DPH5: variants seen among roughly 807,000 people sequenced by gnomAD.
DPH5 encodes diphthine methyl ester synthase.
Under a neutral mutation model 31.6 loss-of-function variants are expected in DPH5, and 31 were observed. The observed-to-expected ratio is 0.98, with a 90% CI of 0.74 to 1.32. The LOEUF (loss-of-function observed/expected upper bound fraction) is 1.32. Among genes scored for constraint, DPH5 ranks in the 40% most tolerant of loss-of-function variants. DPH5 has a pLI of 0.00. For synonymous variants in DPH5, 120 were observed against 115.0 expected, an observed-to-expected ratio of 1.04 and a Z score of -0.28; for missense variants, 309 against 335.7, an observed-to-expected ratio of 0.92 and a Z score of 0.62.
intron 4 of DPH5, among the ~76,000 whole-genome samples, chr1:101,011,932 C>G (rs550268696): frequency 8.4e-6 from 1 of 119,494 alleles, no homozygotes; most frequent in East Asian, 2.7e-4. Context: ...GGAGTTTTCA[C>G]TCTTGTCACC....
At chr1:100,995,028 G>T in intron 6 of DPH5, 82 bp downstream of exon 6, 2 of 973,694 alleles carry the variant, frequency 2.1e-6, no homozygotes, top group Non-Finnish European at 1.6e-6. Context: ...ACCATCTTTA[G>T]AACTCAGGTC....
chr1:101,015,001 A>G (rs1258736444), intron 3 of DPH5, among the ~76,000 whole-genome samples: 1 of 152,194 alleles, frequency 6.6e-6, no homozygotes, highest in Non-Finnish European at 1.5e-5. Context: ...CCATATCTAC[A>G]GTTACTTCCT....
At chr1:101,014,298 A>G (rs898804138) in intron 3 of DPH5, among the ~76,000 whole-genome samples, 1 of 152,258 alleles carries the variant, frequency 6.6e-6, no homozygotes. Flanking sequence ...CACGTATACC[A>G]TGAAGATATT....
rs1183465218 is a variant in DPH5 at position 101,025,344 on chromosome 1, A to G, written c.100T>C (p.Tyr34His). The G allele has an allele frequency of 6.2e-7, 1 of 1,614,106 alleles. No individual in the cohort carries two copies. The highest frequency in any genetic ancestry group is 1.3e-5 in the African/African-American group (1 of 74,946). The change falls in exon 2 of 8, where the codon TAC becomes CAC. Residue 34 changes from tyrosine (Y) to histidine (H), a missense_variant. Transcript: ENST00000370109. Reference protein sequence around the residue: ...RRCSRVYLEAYTSVLTVGKEA... With the variant: ...RRCSRVYLEAHTSVLTVGKEA... ...TTCCCTACAGTTAGGACTGAGGTGTAGGCTTCCAGATACACTCGACTGCAG... is the reference window on the plus strand; with the variant it reads ...TTCCCTACAGTTAGGACTGAGGTGTGGGCTTCCAGATACACTCGACTGCAG...
At chr1:100,993,269 C>A (rs779048648) in intron 6 of DPH5, among the ~76,000 whole-genome samples, 1 of 151,872 alleles carries the variant, frequency 6.6e-6, no homozygotes. Context: ...ATAGCCATTG[C>A]AGGCCAGGCG....
chr1:101,016,592 C>T (rs1283853359), intron 3 of DPH5, among the ~76,000 whole-genome samples: 1 of 151,486 alleles, frequency 6.6e-6, no homozygotes, highest in Non-Finnish European at 1.5e-5. Flanking sequence ...ATTACAGGCA[C>T]CCGCCACCAC....
At chr1:101,009,857 C>A (rs149071365) in intron 4 of DPH5, among the ~76,000 whole-genome samples, 2 of 152,352 alleles carry the variant, frequency 1.3e-5, no homozygotes, top group African/African-American at 4.8e-5. Flanking sequence ...TATGGTCCAA[C>A]AAGCCCTTCC....
rs566432145 is a variant in DPH5 at position 101,021,874 on chromosome 1, T to A, written c.136-109A>T. On this transcript the variant is annotated intron_variant, in intron 2 of 7. Coordinates refer to ENST00000370109, the MANE Select transcript of DPH5 (RefSeq NM_015958.3). ...CACACACACACTCTTTGTTTGGGAC[T>A]GGTGCATATGTTGGCAACCACCCAA... 4.5e-5 allele frequency: 53 copies of A among 1,170,790 alleles called. No individual in the cohort carries two copies. The South Asian group carries it at 8.9e-4, about 20-fold the overall frequency. 72.5% of individuals were successfully genotyped at this position (1,170,790 alleles called of 1,614,324 possible).
At position 100,990,536 on chromosome 1, in the gene DPH5, C is replaced by CCA. The variant is rs1294129209; in HGVS notation, c.728_729dup (p.Asp244TrpfsTer10). ...AAGGAATGCAATGGTTCTCCCAAGT[C>CCA]CACAGTGCACATTTGCCTTAAAGTG... On this transcript the variant is annotated frameshift_variant, in exon 8 of 8. Coordinates refer to ENST00000370109, the MANE Select transcript of DPH5 (RefSeq NM_015958.3). LOFTEE classifies it high-confidence loss of function. 1.2e-6 allele frequency: 2 copies of CCA among 1,614,172 alleles called. No individual in the cohort carries two copies. The highest frequency in any genetic ancestry group is 2.7e-5 in the African/African-American group (2 of 75,032).
chr1:101,008,054 T>C (rs1659366295), intron 4 of DPH5, among the ~76,000 whole-genome samples: 1 of 152,238 alleles, frequency 6.6e-6, no homozygotes, highest in African/African-American at 2.4e-5. Context: ...ATTTATTGAA[T>C]GAAAATTTGA....
In DPH5 at chr1:101,025,683, C is replaced by T. The variant is rs1660776374; in HGVS notation, c.-24G>A. On this transcript the variant is annotated splice_region_variant and 5_prime_UTR_variant, in exon 1 of 8. Transcript: ENST00000370109. ...CACAAACCTAGGAGCAGCCAATTAC[C>T]CGCTGAGAGAATCGTAGGTAGTTCT... The T allele has an allele frequency of 1.9e-6, 1 of 524,820 alleles. No homozygotes were observed. The highest frequency in any genetic ancestry group is 3.4e-6 in the Non-Finnish European group (1 of 293,414). The allele number at this position is 524,820 out of a possible 1,614,324, so 32.5% of individuals were successfully genotyped here.
intron 6 of DPH5, among the ~76,000 whole-genome samples, chr1:100,992,970 G>C (rs2101138417): frequency 6.6e-6 from 1 of 152,202 alleles, no homozygotes; most frequent in Non-Finnish European, 1.5e-5. Flanking sequence ...AATGATGGCA[G>C]GAACACATAA....
Position 101,021,661 on chromosome 1 carries a change from A to G in DPH5, c.240T>C (p.Leu80=), listed in dbSNP as rs759523719. 6.2e-7 allele frequency: 1 copy of G among 1,613,442 alleles called. No individual in the cohort carries two copies. The highest frequency in any genetic ancestry group is 1.7e-5 in the Admixed American group (1 of 59,944). The stretch of plus-strand genomic sequence containing the variant: ...CTTACCCAAATGGATCACCAACCAC[A>G]AGGAATGCAACATCACTGATATCAG... ...KDADISDVAF[L]VVGDPFGATT... is the part of the protein sequence containing the mutation. The change falls in exon 3 of 8, where the codon CTT becomes CTC. Residue 80 remains leucine (L), a synonymous_variant. Coordinates refer to ENST00000370109, the MANE Select transcript of DPH5 (RefSeq NM_015958.3).
intron 4 of DPH5, among the ~76,000 whole-genome samples, chr1:101,006,784 C>T (rs1207529618): frequency 1.3e-5 from 2 of 152,028 alleles, no homozygotes; most frequent in Non-Finnish European, 2.9e-5. Context: ...AAGTAATATA[C>T]ATTTTTCCAA....
intron 4 of DPH5, among the ~76,000 whole-genome samples, chr1:101,009,367 T>C (rs188648734): frequency 1.8e-4 from 27 of 152,300 alleles, no homozygotes; most frequent in East Asian, 5.8e-4. Flanking sequence ...TCCAGGCCTA[T>C]AGACAAGTCT....
At chr1:100,997,204 A>C (rs1357697590) in intron 5 of DPH5, among the ~76,000 whole-genome samples, 1 of 152,208 alleles carries the variant, frequency 6.6e-6, no homozygotes, top group African/African-American at 2.4e-5. Flanking sequence ...TAGATTTCAA[A>C]GCTTTGAGAG....
intron 2 of DPH5, among the ~76,000 whole-genome samples, chr1:101,024,108 A>T (rs1044881413): frequency 1.3e-5 from 2 of 152,168 alleles, no homozygotes; most frequent in African/African-American, 4.8e-5. Context: ...ATGTTTTTTA[A>T]ATCAAAGCTG....
rs545327183 is a variant in DPH5, at chr1:100,999,980, T to C, written c.490+1487A>G. Among the ~76,000 whole-genome samples, 4 of 151,526 alleles carry C rather than the reference T, an allele frequency of 2.6e-5. No homozygotes were observed. In the South Asian group the frequency reaches 8.4e-4, roughly 32 times the overall value. On this transcript the variant is annotated intron_variant, in intron 5 of 7. Transcript: ENST00000370109. Reference sequence around the variant, plus strand: ...TAACATGGTGAAACCCCATCTCTACTAAAAAAAATACAAAAAATTAGCCGG... The same window carrying C: ...TAACATGGTGAAACCCCATCTCTACCAAAAAAAATACAAAAAATTAGCCGG...
chr1:101,008,525 AT>A, intron 4 of DPH5, among the ~76,000 whole-genome samples: 1 of 152,142 alleles, frequency 6.6e-6, no homozygotes, highest in Admixed American at 6.5e-5. Flanking sequence ...TTTCCATTAT[AT>A]TTTTCCTCTA....
Sources: allele counts gnomAD v4.1 joint callset (sites outside exome capture counted in the v4.1 genomes callset), GRCh38; gene constraint gnomAD v4.1.1; transcripts MANE v1.5; gene names NCBI Gene and HGNC (gene_info 2026-07-23, HGNC 2026-07-21).